CHD9: variants seen among roughly 807,000 people sequenced by gnomAD.
The protein encoded by CHD9 is ATP-dependent chromatin remodeler CHD9.
CHD9 carries 77 observed loss-of-function variants against 316.1 expected under a neutral mutation model. The ratio of observed to expected loss-of-function variants is 0.24; its 90% CI spans 0.20 to 0.29. CHD9 has a LOEUF of 0.29. Ranked by LOEUF, CHD9 falls within the 10% of genes least tolerant of loss-of-function variation. CHD9 has a pLI of 1.00. For missense variants in CHD9, 2,763 were observed against 3,438.1 expected (o/e 0.80, Z 4.91); for synonymous variants, 1,129 against 1,158.3 (o/e 0.97, Z 0.51).
chr16:53,181,010 A>ATT (rs202227552), intron 2 of CHD9, among the ~76,000 whole-genome samples: 5 of 133,236 alleles, frequency 3.8e-5, no homozygotes, highest in Admixed American at 7.7e-5. Context: ...GAGAGACACG[A>ATT]TTTTTTTTTT....
chr16:53,085,705 G>C (rs2035407433), intron 1 of CHD9, among the ~76,000 whole-genome samples: 1 of 152,158 alleles, frequency 6.6e-6, no homozygotes, highest in Middle Eastern at 3.2e-3. Context: ...TATTCCATTA[G>C]TGATTTTCAA....
intron 2 of CHD9, among the ~76,000 whole-genome samples, chr16:53,180,168 A>C (rs1311568127): frequency 2.0e-5 from 3 of 150,712 alleles, no homozygotes; most frequent in Non-Finnish European, 4.4e-5. Context: ...CACCACGCCC[A>C]GCTAATTTTC....
chr16:53,304,123 T>C lies in CHD9; in HGVS notation c.6117T>C (p.Gly2039=). The C allele has an allele frequency of 1.2e-6, 2 of 1,613,668 alleles. No individual in the cohort carries two copies. Among genetic ancestry groups the C allele is most frequent in the Non-Finnish European group, 1.7e-6 (2 of 1,179,796 alleles). ...TSLPRLLDAK[G]IILEEMKVKS... ...TACCTAGGCTCCTAGATGCTAAAGG[T>C]ATTATTCTAGAGGAGATGAAAGTTA... The change falls in exon 31 of 39, where the codon GGT becomes GGC. Residue 2039 remains glycine (G), a synonymous_variant. Coordinates refer to ENST00000447540, the MANE Select transcript of CHD9 (RefSeq NM_001308319.2).
At chr16:53,096,055 GA>G (rs943467151) in intron 1 of CHD9, among the ~76,000 whole-genome samples, 32 of 149,168 alleles carry the variant, frequency 2.1e-4, no homozygotes, top group African/African-American at 6.9e-4. Context: ...GGACTGTGAA[GA>G]TTTTTTTTTT....
chr16:53,104,880 T>TA (rs1453911618), intron 1 of CHD9, among the ~76,000 whole-genome samples: 1 of 151,992 alleles, frequency 6.6e-6, no homozygotes, highest in Non-Finnish European at 1.5e-5. Context: ...GGCTTAATTT[T>TA]AAAAAATCAT....
chr16:53,153,328 A>G (rs1360278248), intron 1 of CHD9, among the ~76,000 whole-genome samples: 2 of 152,202 alleles, frequency 1.3e-5, no homozygotes, highest in Non-Finnish European at 2.9e-5. Context: ...TTGTTTGTAT[A>G]CAGATGAGAA....
chr16:53,111,092 AGT>A (rs1160174845), intron 1 of CHD9, among the ~76,000 whole-genome samples: 1 of 152,184 alleles, frequency 6.6e-6, no homozygotes, highest in East Asian at 1.9e-4. Flanking sequence ...AAAATGCTGA[AGT>A]GAGACTCATA....
rs756847331 is a variant in CHD9 at position 53,263,113 on chromosome 16, C to A, written c.4320+16C>A. On this transcript the variant is annotated intron_variant, in intron 20 of 38. Transcript: ENST00000447540. The stretch of plus-strand genomic sequence containing the variant: ...CAGTGGCAGAGTAAGTATTTTTATC[C>A]CTCTAAAATAAACTTGCTTTTGGGA... 4.5e-6 allele frequency: 7 copies of A among 1,570,036 alleles called. No homozygotes were observed. The highest frequency in any genetic ancestry group is 1.1e-5 in the South Asian group (1 of 87,708).
chr16:53,323,312 TA>T (rs1255617416), intron 38 of CHD9, among the ~76,000 whole-genome samples: 1 of 152,250 alleles, frequency 6.6e-6, no homozygotes. Flanking sequence ...GTGGCTACTA[TA>T]AAATTTCAAG....
At chr16:53,148,150 T>C (rs2040789655) in intron 1 of CHD9, among the ~76,000 whole-genome samples, 1 of 152,182 alleles carries the variant, frequency 6.6e-6, no homozygotes, top group South Asian at 2.1e-4. Context: ...GAGGTTGCAA[T>C]GAGCCAAGAT....
chr16:53,302,492 G>A (rs2055536407), intron 30 of CHD9, among the ~76,000 whole-genome samples: 1 of 152,100 alleles, frequency 6.6e-6, no homozygotes, highest in African/African-American at 2.4e-5. Flanking sequence ...TTAATTGTGT[G>A]GTTAAGGTAG....
At chr16:53,125,420 G>A (rs1284798263) in intron 1 of CHD9, among the ~76,000 whole-genome samples, 2 of 151,686 alleles carry the variant, frequency 1.3e-5, no homozygotes, top group African/African-American at 4.8e-5. Context: ...AATGGGGTTG[G>A]CCAAGCTGGT....
chr16:53,259,390 G>A (rs1373551139), intron 19 of CHD9, among the ~76,000 whole-genome samples: 3 of 152,062 alleles, frequency 2.0e-5, no homozygotes, highest in Admixed American at 6.6e-5. Flanking sequence ...ATTATACACT[G>A]TAGCATATAA....
intron 1 of CHD9, among the ~76,000 whole-genome samples, chr16:53,144,044 T>G (rs2040365676): frequency 6.6e-6 from 1 of 152,182 alleles, no homozygotes; most frequent in Non-Finnish European, 1.5e-5. Flanking sequence ...TGATATCTTT[T>G]GTAAATTAAA....
chr16:53,150,115 TAAAG>T lies in CHD9; in HGVS notation c.-164-5807_-164-5804del, dbSNP rs568969669. 6.6e-4 allele frequency among the ~76,000 whole-genome samples: 100 copies of T among 152,252 alleles called. 2 individuals are homozygous for T. The highest frequency in any genetic ancestry group is 2.2e-3 in the African/African-American group (90 of 41,586). ...CATTTACATTTAAAGTAATTATTGA[TAAAG>T]AAAACATACTTCTGTTATTTTGCTT... is the stretch of plus-strand genomic sequence containing the variant. On this transcript the variant is annotated intron_variant, in intron 1 of 38. Transcript: ENST00000447540.
chr16:53,273,899 C>T, intron 23 of CHD9, 114 bp downstream of exon 23: 1 of 915,110 alleles, frequency 1.1e-6, no homozygotes, highest in Non-Finnish European at 1.7e-6. Context: ...TAGGGCCAAT[C>T]CTAATCCTAA....
In CHD9 at chr16:53,324,290, G is replaced by C; in HGVS notation, c.8089G>C (p.Gly2697Arg). 6.2e-7 allele frequency: 1 copy of C among 1,613,972 alleles called. No individual in the cohort carries two copies. Residue 2697 changes from glycine (G) to arginine (R), a missense_variant, in exon 39 of 39, where the codon GGC (glycine) becomes CGC (arginine). Gly to Arg is a moderately radical substitution (Grantham distance 125). Around this residue, in one of 15 missense-constraint regions of CHD9, gnomAD observed 298 missense variants for 380.2 expected, o/e 0.78. Coordinates refer to ENST00000447540, the MANE Select transcript of CHD9 (RefSeq NM_001308319.2). ...VTAGLMGMPTGLPSGGEAKNM... is the reference protein window; with the variant it reads ...VTAGLMGMPTRLPSGGEAKNM... ...TGCTGGGTTGATGGGAATGCCTACC[G>C]GCCTTCCTTCTGGAGGAGAAGCTAA...
At chr16:53,065,738 A>T (rs1253118518) in intron 1 of CHD9, among the ~76,000 whole-genome samples, 1 of 151,016 alleles carries the variant, frequency 6.6e-6, no homozygotes, top group Non-Finnish European at 1.5e-5. Context: ...AGTTTCCACT[A>T]CTCTGGACAA....
chr16:53,308,970 C>CCTG, intron 34 of CHD9, 116 bp downstream of exon 34: 1 of 710,070 alleles, frequency 1.4e-6, no homozygotes. Flanking sequence ...CCTCTTAAGC[C>CCTG]TATAAAGTAA....
Sources: allele counts gnomAD v4.1 joint callset (sites outside exome capture counted in the v4.1 genomes callset), GRCh38; gene constraint gnomAD v4.1.1; regional missense constraint gnomAD v4.1.1; transcripts MANE v1.5; gene names NCBI Gene and HGNC (gene_info 2026-07-23, HGNC 2026-07-21).